The following CHST8 variants were observed in gnomAD, a reference collection of about 807,000 sequenced individuals.
CHST8 encodes the protein GALNAC-4-ST1.
A neutral mutation model predicts 15.0 loss-of-function variants in CHST8; 10 were observed. The ratio of observed to expected loss-of-function variants is 0.67; its 90% CI spans 0.41 to 1.13. CHST8 has a LOEUF of 1.13. Ranked by LOEUF, CHST8 falls within the 50% of genes most tolerant of loss-of-function variation. The pLI is 0.00. For missense variants in CHST8, 634 were observed against 608.2 expected, an observed-to-expected ratio of 1.04 and a Z score of -0.45; for synonymous variants, 259 against 256.6, an observed-to-expected ratio of 1.01 and a Z score of -0.09.
chr19:33,771,393 C>T lies in CHST8; in HGVS notation c.131-20C>T. The T allele has an allele frequency of 6.2e-7, 1 of 1,613,854 alleles. No individual in the cohort carries two copies. Among genetic ancestry groups the T allele is most frequent in the Non-Finnish European group, 8.5e-7 (1 of 1,179,728 alleles). ...GTGGCAGATCCGCTAATACTGTCCT[C>T]TCCTCTGTTTGCTTTTCAGGAATAA... On this transcript the variant is annotated intron_variant, in intron 3 of 4. Transcript: ENST00000650847.
intron 2 of CHST8, among the ~76,000 whole-genome samples, chr19:33,670,386 C>T (rs1416375000): frequency 6.6e-6 from 1 of 152,204 alleles, no homozygotes; most frequent in Non-Finnish European, 1.5e-5. Context: ...CCAACTGCAC[C>T]AAACTTTCAA....
intron 2 of CHST8, among the ~76,000 whole-genome samples, chr19:33,681,004 G>A (rs531367771): frequency 6.6e-5 from 10 of 152,298 alleles, no homozygotes; most frequent in South Asian, 2.1e-4. Flanking sequence ...TTGCAAAACC[G>A]TAGAACAGTA....
chr19:33,721,343 C>T lies in CHST8; in HGVS notation c.130+31952C>T, dbSNP rs1264318011. On this transcript the variant is annotated intron_variant, in intron 3 of 4. Transcript: ENST00000650847. ...AGATCGGGCATCCTCCAGGACAGAG[C>T]CCAGGTATCTTCCTATCTCTGAACA... is the stretch of plus-strand genomic sequence containing the variant. Among the ~76,000 whole-genome samples, 4 of 152,158 alleles carry T rather than the reference C, an allele frequency of 2.6e-5. No individual in the cohort carries two copies. The East Asian group carries it at 7.7e-4, about 29-fold the overall frequency.
chr19:33,733,731 G>T (rs1974033972), intron 3 of CHST8, among the ~76,000 whole-genome samples: 1 of 152,224 alleles, frequency 6.6e-6, no homozygotes, highest in African/African-American at 2.4e-5. Flanking sequence ...GGGTGTAACA[G>T]ATAGATTATT....
In CHST8 at chr19:33,661,260, G is replaced by T. The variant is rs114694545; in HGVS notation, c.-163-6507G>T. 6.6e-3 allele frequency among the ~76,000 whole-genome samples: 1,012 copies of T among 152,346 alleles called. 11 individuals are homozygous for T. Among genetic ancestry groups the T allele is most frequent in the African/African-American group, 0.023 (951 of 41,574 alleles). The stretch of plus-strand genomic sequence containing the variant: ...CTGGGAAGAAGGAGAGCAGGTTACG[G>T]ATGCTCAGATGTTTGTGTGCATTGA... On this transcript the variant is annotated intron_variant, in intron 1 of 4. Transcript: ENST00000650847.
chr19:33,650,260 C>T (rs1972417979), intron 1 of CHST8, among the ~76,000 whole-genome samples: 1 of 152,040 alleles, frequency 6.6e-6, no homozygotes, highest in Non-Finnish European at 1.5e-5. Flanking sequence ...TAAGATTTCT[C>T]TGGGTTCCTC....
At chr19:33,665,334 T>C (rs1226435585) in intron 1 of CHST8, among the ~76,000 whole-genome samples, 1 of 152,162 alleles carries the variant, frequency 6.6e-6, no homozygotes, top group Non-Finnish European at 1.5e-5. Context: ...TAAACGACCA[T>C]GGAGTAAATA....
chr19:33,758,922 C>CGG lies in CHST8; in HGVS notation c.131-12483_131-12482dup, dbSNP rs143978654. Among the ~76,000 whole-genome samples the CGG allele has an allele frequency of 2.2e-3, 316 of 146,956 alleles. 3 individuals are homozygous for CGG. The highest frequency in any genetic ancestry group is 7.5e-3 in the African/African-American group (300 of 40,064). ...CCCCAGCATCCACTTGGTTTCTTGG[C>CGG]GGGGGGGGGCGGTGCTCAAAGAGCT... On this transcript the variant is annotated intron_variant, in intron 3 of 4. Transcript: ENST00000650847.
At chr19:33,746,574 A>C (rs1974316648) in intron 3 of CHST8, among the ~76,000 whole-genome samples, 1 of 152,228 alleles carries the variant, frequency 6.6e-6, no homozygotes, top group Non-Finnish European at 1.5e-5. Flanking sequence ...TGGATGTACC[A>C]TGTTCATTTA....
chr19:33,722,118 T>A (rs969649049), intron 3 of CHST8, among the ~76,000 whole-genome samples: 1 of 141,352 alleles, frequency 7.1e-6, no homozygotes, highest in Non-Finnish European at 1.5e-5. Context: ...GATGAAGGGA[T>A]GGATGGATAG....
chr19:33,694,330 G>A (rs1036964478), intron 3 of CHST8, among the ~76,000 whole-genome samples: 1 of 150,868 alleles, frequency 6.6e-6, no homozygotes, highest in East Asian at 2.0e-4. Context: ...ATGTTTCAGA[G>A]CCCTTTGCCT....
intron 3 of CHST8, among the ~76,000 whole-genome samples, chr19:33,694,169 C>CACATATAT (rs1347962193): frequency 2.5e-5 from 1 of 40,190 alleles, no homozygotes; most frequent in African/African-American, 1.4e-4. Flanking sequence ...GTAGTTTATT[C>CACATATAT]ATATATATAT....
chr19:33,749,540 C>T (rs1974375195), intron 3 of CHST8, among the ~76,000 whole-genome samples: 1 of 151,210 alleles, frequency 6.6e-6, no homozygotes, highest in Non-Finnish European at 1.5e-5. Context: ...TGGCTGGAAT[C>T]AGTGGGTGCT....
At chr19:33,730,991 C>T (rs1330795162) in intron 3 of CHST8, among the ~76,000 whole-genome samples, 2 of 152,192 alleles carry the variant, frequency 1.3e-5, no homozygotes, top group African/African-American at 2.4e-5. Flanking sequence ...CAAGTTCTGC[C>T]TGCTTTATTC....
At chr19:33,675,849 A>G (rs1345597917) in intron 2 of CHST8, among the ~76,000 whole-genome samples, 1 of 152,224 alleles carries the variant, frequency 6.6e-6, no homozygotes, top group Non-Finnish European at 1.5e-5. Context: ...GATTTTGCAC[A>G]AAAGTCCTTG....
At position 33,726,791 on chromosome 19, in the gene CHST8, G is replaced by A. The variant is rs993107295; in HGVS notation, c.130+37400G>A. ...GCTCCCTGGCAAGGGGCTAGGAGACGTGGGCCAGGGGCTGCAAAGAAAGGG... is the reference window on the plus strand; with the variant it reads ...GCTCCCTGGCAAGGGGCTAGGAGACATGGGCCAGGGGCTGCAAAGAAAGGG... On this transcript the variant is annotated intron_variant, in intron 3 of 4. Coordinates refer to ENST00000650847, the MANE Select transcript of CHST8 (RefSeq NM_001127895.2). Among the ~76,000 whole-genome samples the A allele has an allele frequency of 4.6e-5, 7 of 152,060 alleles. No individual in the cohort carries two copies. In the East Asian group the frequency reaches 5.8e-4, roughly 13 times the overall value.
chr19:33,702,402 A>G (rs977230012), intron 3 of CHST8, among the ~76,000 whole-genome samples: 4 of 152,276 alleles, frequency 2.6e-5, no homozygotes, highest in African/African-American at 9.6e-5. Context: ...TTCTGATGTT[A>G]TTCTACCATT....
chr19:33,628,540 T>A (rs986506984), intron 1 of CHST8, among the ~76,000 whole-genome samples: 2 of 152,196 alleles, frequency 1.3e-5, no homozygotes, highest in African/African-American at 4.8e-5. Flanking sequence ...ATGGAGTCTG[T>A]CTACACTGGT....
At chr19:33,636,092 T>TAAAAAA (rs4012941) in intron 1 of CHST8, among the ~76,000 whole-genome samples, 1 of 139,648 alleles carries the variant, frequency 7.2e-6, no homozygotes, top group Non-Finnish European at 1.5e-5. Context: ...TTATCAAAGT[T>TAAAAAA]AAAAAAAAAA....
Sources: gnomAD v4.1 joint callset for allele counts (sites outside exome capture counted in the v4.1 genomes callset) on GRCh38, gnomAD v4.1.1 for gene constraint, MANE v1.5 for transcripts, NCBI Gene and HGNC (gene_info 2026-07-23, HGNC 2026-07-21) for gene names.